The following SLC22A23 variants were observed in gnomAD, a reference collection of about 807,000 sequenced individuals.
SLC22A23 encodes the protein ion transporter protein.
A neutral mutation model predicts 61.0 loss-of-function variants in SLC22A23; 26 were observed. The ratio of observed to expected loss-of-function variants is 0.43; its 90% CI spans 0.31 to 0.59. SLC22A23 has a LOEUF of 0.59. Ranked by LOEUF, SLC22A23 falls within the 20% of genes least tolerant of loss-of-function variation. The probability of loss-of-function intolerance (pLI) is 0.11; values close to 1 mark genes in which losing one functional copy is unlikely to be tolerated. For missense variants in SLC22A23, 796 were observed against 934.7 expected (o/e 0.85, Z 1.94); for synonymous variants, 430 against 413.9 (o/e 1.04, Z -0.47).
At chr6:3,402,775 G>T (rs968149391) in intron 3 of SLC22A23, among the ~76,000 whole-genome samples, 1 of 152,188 alleles carries the variant, frequency 6.6e-6, no homozygotes. Context: ...CTCTGAGTGC[G>T]CTAGAGGGCA....
At chr6:3,273,954 C>T (rs189095893) in intron 9 of SLC22A23, among the ~76,000 whole-genome samples, 1 of 152,280 alleles carries the variant, frequency 6.6e-6, no homozygotes, top group Admixed American at 6.5e-5. Context: ...GAGTTGATGG[C>T]CCACGTGTCT....
rs111923634 is a variant in SLC22A23, at chr6:3,332,933, T to C, written c.914-8931A>G. ...GTGATGTCGTTCACATGTTCCTTCA[T>C]GCCCTGGTTTAATCTCTAAACTGGA... On this transcript the variant is annotated intron_variant, in intron 3 of 9. Transcript: ENST00000406686. Among the ~76,000 whole-genome samples, 985 of 152,316 alleles carry C rather than the reference T, an allele frequency of 6.5e-3. 11 individuals are homozygous for C. Among genetic ancestry groups the C allele is most frequent in the African/African-American group, 0.022 (913 of 41,578 alleles).
chr6:3,338,690 C>T (rs1240672156), intron 3 of SLC22A23, among the ~76,000 whole-genome samples: 1 of 152,178 alleles, frequency 6.6e-6, no homozygotes, highest in Non-Finnish European at 1.5e-5. Context: ...TTTTTCTTCC[C>T]TTTTAGTTGC....
chr6:3,280,706 C>A (rs1343133358), intron 9 of SLC22A23, among the ~76,000 whole-genome samples: 1 of 151,998 alleles, frequency 6.6e-6, no homozygotes, highest in Non-Finnish European at 1.5e-5. Context: ...ATCGTGTTAG[C>A]CAGATCCTCT....
rs77490347 is a variant in SLC22A23, at chr6:3,390,814, A to G, written c.913+19374T>C. Among the ~76,000 whole-genome samples the G allele has an allele frequency of 2.0e-5, 3 of 152,236 alleles. No homozygotes were observed. The East Asian group carries it at 5.8e-4, about 29-fold the overall frequency. On this transcript the variant is annotated intron_variant, in intron 3 of 9. Transcript: ENST00000406686. This position sits in a 1 kb window ranked among gnomAD's most constrained non-coding sequence, Gnocchi z 4.0. The stretch of plus-strand genomic sequence containing the variant: ...CTCAGGCCCTACAGGCTTCAATAAT[A>G]TGCTGCCTATCTGCCAAACCACTGG...
intron 3 of SLC22A23, among the ~76,000 whole-genome samples, chr6:3,346,752 CCT>C (rs1385210807): frequency 6.6e-6 from 1 of 152,160 alleles, no homozygotes; most frequent in Non-Finnish European, 1.5e-5. Context: ...CACTTGGTTC[CCT>C]GTCATGCCTT....
intron 2 of SLC22A23, among the ~76,000 whole-genome samples, chr6:3,412,859 C>T (rs1278332943): frequency 6.6e-6 from 1 of 152,120 alleles, no homozygotes; most frequent in Non-Finnish European, 1.5e-5. Flanking sequence ...GGCCATGAGC[C>T]ATGGAATGCA....
intron 3 of SLC22A23, among the ~76,000 whole-genome samples, chr6:3,348,614 C>T (rs1483607684): frequency 6.6e-6 from 1 of 152,174 alleles, no homozygotes; most frequent in African/African-American, 2.4e-5. Flanking sequence ...CACCACATTC[C>T]CGGCACGGAG....
At position 3,369,460 on chromosome 6, in the gene SLC22A23, G is replaced by A. The variant is rs143552016; in HGVS notation, c.913+40728C>T. The stretch of plus-strand genomic sequence containing the variant: ...AATCCCAGCACTTCGGGAGGCCAAG[G>A]CGGGTGGATCACCTGAACTGAAGAG... On this transcript the variant is annotated intron_variant, in intron 3 of 9. Transcript: ENST00000406686. Among the ~76,000 whole-genome samples, 17 of 152,292 alleles carry A rather than the reference G, an allele frequency of 1.1e-4. No individual in the cohort carries two copies. The East Asian group carries it at 3.3e-3, about 29-fold the overall frequency.
chr6:3,381,950 C>T (rs773802389), intron 3 of SLC22A23, among the ~76,000 whole-genome samples: 5 of 152,128 alleles, frequency 3.3e-5, no homozygotes, highest in African/African-American at 4.8e-5. Flanking sequence ...CTGTCTGCCC[C>T]AGGCCCATGC....
rs990088091 is a variant in SLC22A23 at position 3,328,994 on chromosome 6, C to T, written c.914-4992G>A. On this transcript the variant is annotated intron_variant, in intron 3 of 9. Coordinates refer to ENST00000406686, the MANE Select transcript of SLC22A23 (RefSeq NM_015482.2). The surrounding 1 kb of genome is among the most constrained non-coding windows in gnomAD (Gnocchi z 5.0). ...CCCAGCCTCACAGGGCACTGCCAAG[C>T]TCAAGGGACCGTCTGTCAAAACACT... 1.3e-5 allele frequency among the ~76,000 whole-genome samples: 2 copies of T among 152,156 alleles called. No homozygotes were observed. The highest frequency in any genetic ancestry group is 4.8e-5 in the African/African-American group (2 of 41,434).
At position 3,328,735 on chromosome 6, in the gene SLC22A23, C is replaced by T. The variant is rs1364808723; in HGVS notation, c.914-4733G>A. ...CCCCTCATGGATGTCAGCCTGGCCA[C>T]CCCTCACAGTCGTGTGGGCCAATTC... On this transcript the variant is annotated intron_variant, in intron 3 of 9. Transcript: ENST00000406686. The surrounding 1 kb of genome is among the most constrained non-coding windows in gnomAD (Gnocchi z 5.0). Among the ~76,000 whole-genome samples, 1 of 152,170 alleles carries T rather than the reference C, an allele frequency of 6.6e-6. No homozygotes were observed. The highest frequency in any genetic ancestry group is 1.5e-5 in the Non-Finnish European group (1 of 68,026).
At chr6:3,288,590 G>A (rs964184499) in intron 6 of SLC22A23, among the ~76,000 whole-genome samples, 3 of 152,246 alleles carry the variant, frequency 2.0e-5, no homozygotes, top group African/African-American at 4.8e-5. Flanking sequence ...GTCATCTGAA[G>A]ATAACAGAGC....
At chr6:3,339,588 A>T (rs981190756) in intron 3 of SLC22A23, among the ~76,000 whole-genome samples, 1 of 152,184 alleles carries the variant, frequency 6.6e-6, no homozygotes. Flanking sequence ...CTTACTGATA[A>T]AACAGGTTGC....
Position 3,433,458 on chromosome 6 carries a change from C to G in SLC22A23, c.655-17603G>C, listed in dbSNP as rs116920463. On this transcript the variant is annotated intron_variant, in intron 1 of 9. Transcript: ENST00000406686. ...CTCCCATCACTCCTGCTTCCTACCC[C>G]AAAAATTTTGAAAAGAAAAAGAGGA... Among the ~76,000 whole-genome samples, 95 of 143,346 alleles carry G rather than the reference C, an allele frequency of 6.6e-4. 4 individuals carry two copies. In the East Asian group the frequency reaches 0.021, roughly 31 times the overall value. The allele number at this position is 143,346 out of a possible 152,430, so 94.0% of individuals were successfully genotyped here.
chr6:3,356,497 C>T (rs1765113564), intron 3 of SLC22A23, among the ~76,000 whole-genome samples: 1 of 152,058 alleles, frequency 6.6e-6, no homozygotes, highest in South Asian at 2.1e-4. Context: ...TAAAGCTGAC[C>T]CTAAACTTAC....
In SLC22A23 at chr6:3,272,483, A is replaced by C. The variant is rs1329627094; in HGVS notation, c.*572T>G. On this transcript the variant is annotated 3_prime_UTR_variant, in exon 10 of 10. Transcript: ENST00000406686. ...GCTGCTTTCCCTGCACACGAACAGA[A>C]GCTCTTACCTTACAAACAGAAAGGG... 6.5e-6 allele frequency: 1 copy of C among 152,762 alleles called. No homozygotes were observed. The highest frequency in any genetic ancestry group is 1.5e-5 in the Non-Finnish European group (1 of 68,066). 9.5% of individuals were successfully genotyped at this position (152,762 alleles called of 1,614,324 possible). A position where few individuals can be genotyped will look rare whatever the true frequency, so the allele number is the denominator to read the frequency against.
intron 1 of SLC22A23, among the ~76,000 whole-genome samples, chr6:3,441,080 G>A (rs1003817453): frequency 6.6e-6 from 1 of 152,198 alleles, no homozygotes; most frequent in African/African-American, 2.4e-5. Context: ...GAAGGTGCTT[G>A]GCAGGAGCTC....
At chr6:3,364,823 A>G (rs1765699521) in intron 3 of SLC22A23, among the ~76,000 whole-genome samples, 1 of 152,206 alleles carries the variant, frequency 6.6e-6, no homozygotes, top group Admixed American at 6.5e-5. Flanking sequence ...CAGTCAGAGC[A>G]GCTGAGTGGA....
Sources: allele counts gnomAD v4.1 joint callset (sites outside exome capture counted in the v4.1 genomes callset), GRCh38; gene constraint gnomAD v4.1.1; non-coding constraint Gnocchi (gnomAD v3.1); transcripts MANE v1.5; gene names NCBI Gene and HGNC (gene_info 2026-07-23, HGNC 2026-07-21).